The following TEX15 variants were observed in gnomAD, a reference collection of about 807,000 sequenced individuals.
The protein encoded by TEX15 is testis-expressed protein 15.
TEX15 carries 171 observed loss-of-function variants against 237.3 expected under a neutral mutation model. The ratio of observed to expected loss-of-function variants is 0.72; its 90% CI spans 0.64 to 0.82. TEX15 has a LOEUF of 0.82. Among genes scored for constraint, TEX15 ranks in the 40% least tolerant of loss-of-function variants. The pLI is 0.00. For missense variants in TEX15, 3,750 were observed against 3,646.5 expected (o/e 1.03, Z -0.73); for synonymous variants, 1,338 against 1,269.8 (o/e 1.05, Z -1.14).
In TEX15 at chr8:30,848,885, A is replaced by C; in HGVS notation, c.1282T>G (p.Ser428Ala). Residue 428 changes from serine to alanine, a missense_variant, in exon 8 of 11, where the codon TCA becomes GCA. Physicochemically the swap from Ser to Ala is moderately conservative, Grantham distance 99. Transcript: ENST00000643185. ...NNTGSSTVTTSKSIKDPRLMR... is the reference protein window; with the variant it reads ...NNTGSSTVTTAKSIKDPRLMR... ...AGTCTTGGGTCTTTGATGGATTTTG[A>C]AGTAGTGACTGTGCTTGAGCCAGTA... 1 of 1,614,124 alleles carries C rather than the reference A, an allele frequency of 6.2e-7. No homozygotes were observed. Among genetic ancestry groups the C allele is most frequent in the Middle Eastern group, 1.6e-4 (1 of 6,062 alleles).
chr8:30,879,609 G>GA (rs1156590508), intron 3 of TEX15, among the ~76,000 whole-genome samples: 1 of 152,190 alleles, frequency 6.6e-6, no homozygotes, highest in Non-Finnish European at 1.5e-5. Flanking sequence ...TCTGTTTTCG[G>GA]AATCTTTATT....
In TEX15 at chr8:30,846,436, C is replaced by G. The variant is rs774025385; in HGVS notation, c.3731G>C (p.Ser1244Thr). 2 of 1,613,252 alleles carry G rather than the reference C, an allele frequency of 1.2e-6. No homozygotes were observed. The highest frequency in any genetic ancestry group is 4.5e-5 in the East Asian group (2 of 44,872). Reference sequence around the variant, plus strand: ...CGTATGATTCACATCTGTATTACGACTCAAGTCAAAAGAAAGGGAGATTTC... The same window carrying G: ...CGTATGATTCACATCTGTATTACGAGTCAAGTCAAAAGAAAGGGAGATTTC... Reference protein sequence around the residue: ...NSEISLSFDLSRNTDVNHTSE... With the variant: ...NSEISLSFDLTRNTDVNHTSE... Residue 1244 changes from serine (S) to threonine (T), a missense_variant, in exon 8 of 11, where the codon AGT (serine) becomes ACT (threonine). Coordinates refer to ENST00000643185, the MANE Select transcript of TEX15 (RefSeq NM_001350162.2).
intron 4 of TEX15, among the ~76,000 whole-genome samples, chr8:30,872,466 T>C (rs1010446111): frequency 1.5e-4 from 23 of 152,318 alleles, no homozygotes; most frequent in South Asian, 1.4e-3. Flanking sequence ...TGTTGGTTTA[T>C]GTATTTAGTA....
chr8:30,878,399 T>C lies in TEX15; in HGVS notation c.137-3297A>G, dbSNP rs893465928. On this transcript the variant is annotated intron_variant, in intron 3 of 10. Coordinates refer to ENST00000643185, the MANE Select transcript of TEX15 (RefSeq NM_001350162.2). The stretch of plus-strand genomic sequence containing the variant: ...GCATGCTTATTTATTTATTTTATTT[T>C]TGAGACGGAGTTTCACTCTTGTTGC... Among the ~76,000 whole-genome samples, 4 of 152,142 alleles carry C rather than the reference T, an allele frequency of 2.6e-5. No homozygotes were observed. In the South Asian group the frequency reaches 6.2e-4, roughly 24 times the overall value.
chr8:30,860,515 TTAAACTC>T (rs1452005916), intron 5 of TEX15, among the ~76,000 whole-genome samples: 1 of 151,770 alleles, frequency 6.6e-6, no homozygotes, highest in Non-Finnish European at 1.5e-5. Flanking sequence ...CTCCCCCAAA[TTAAACTC>T]TAAGATTAGA....
intron 3 of TEX15, among the ~76,000 whole-genome samples, chr8:30,880,981 T>C (rs538495463): frequency 6.6e-6 from 1 of 152,254 alleles, no homozygotes; most frequent in African/African-American, 2.4e-5. Flanking sequence ...TCTCTTCAAA[T>C]AGGGATAATT....
Position 30,848,626 on chromosome 8 carries a change from C to T in TEX15, c.1541G>A (p.Gly514Asp), listed in dbSNP as rs982118303. 4.3e-6 allele frequency: 7 copies of T among 1,614,066 alleles called. No individual in the cohort carries two copies. The highest frequency in any genetic ancestry group is 1.7e-5 in the Admixed American group (1 of 60,014). ...AGGTATACAGTCATAGTCCTCAGAG[C>T]CCATGTTGTGAGCCCAAGATTGTGA... ...NDSQSWAHNM[G>D]SEDYDCIPPN... Residue 514 changes from glycine (G) to aspartate (D), a missense_variant, in exon 8 of 11, where the codon GGC (glycine) becomes GAC (aspartate). Coordinates refer to ENST00000643185, the MANE Select transcript of TEX15 (RefSeq NM_001350162.2).
Position 30,842,331 on chromosome 8 carries a change from A to T in TEX15, c.7836T>A (p.Ile2612=). 1 of 1,613,826 alleles carries T rather than the reference A, an allele frequency of 6.2e-7. No homozygotes were observed. The highest frequency in any genetic ancestry group is 1.7e-4 in the Middle Eastern group (1 of 6,056). ...PRKDLGKMAH[I]RKVMKTIEHM... is the part of the protein sequence containing the mutation. Reference sequence around the variant, plus strand: ...GTTCAATCGTTTTCATGACTTTCCTAATGTGGGCCATTTTTCCTAAATCTT... The same window carrying T: ...GTTCAATCGTTTTCATGACTTTCCTTATGTGGGCCATTTTTCCTAAATCTT... Residue 2612 remains isoleucine (I), a synonymous_variant, in exon 8 of 11, where the codon ATT becomes ATA. Coordinates refer to ENST00000643185, the MANE Select transcript of TEX15 (RefSeq NM_001350162.2).
At chr8:30,896,775 A>G (rs1056818307) in intron 2 of TEX15, among the ~76,000 whole-genome samples, 5 of 145,764 alleles carry the variant, frequency 3.4e-5, no homozygotes, top group East Asian at 1.9e-4. Context: ...AACTGTAGTA[A>G]TTTATTTGGG....
In TEX15 at chr8:30,847,990, T is replaced by C. The variant is rs1457828385; in HGVS notation, c.2177A>G (p.Gln726Arg). 4.3e-6 allele frequency: 7 copies of C among 1,613,904 alleles called. No individual in the cohort carries two copies. Among genetic ancestry groups the C allele is most frequent in the African/African-American group, 1.3e-5 (1 of 74,944 alleles). Reference sequence around the variant, plus strand: ...GTTACCCTCATACTCCACAGAGTGCTGAGGATGCTTTTGTGACAGGCTCTC... The same window carrying C: ...GTTACCCTCATACTCCACAGAGTGCCGAGGATGCTTTTGTGACAGGCTCTC... ...SFESLSQKHP[Q>R]HSVEYEGNIH... The change falls in exon 8 of 11, where the codon CAG (glutamine) becomes CGG (arginine). Residue 726 changes from glutamine (Q) to arginine (R), a missense_variant. Transcript: ENST00000643185.
chr8:30,835,155 A>G (rs1230535141), intron 10 of TEX15, among the ~76,000 whole-genome samples: 1 of 151,994 alleles, frequency 6.6e-6, no homozygotes, highest in African/African-American at 2.4e-5. Flanking sequence ...CACAGGCTGG[A>G]GTGCAGTGGC....
chr8:30,834,353 G>GT (rs1269592561), intron 10 of TEX15, among the ~76,000 whole-genome samples: 1 of 152,098 alleles, frequency 6.6e-6, no homozygotes, highest in African/African-American at 2.4e-5. Context: ...TGTATTTTTA[G>GT]TAGAGATAGG....
chr8:30,858,890 A>C, intron 6 of TEX15, 60 bp from the exon 7 acceptor site: 62 of 1,220,330 alleles, frequency 5.1e-5, no homozygotes, highest in Non-Finnish European at 6.1e-5. Flanking sequence ...GAATAAGCTC[A>C]TATTTTTAAA....
At chr8:30,890,518 A>C (rs926334436) in intron 2 of TEX15, 2 of 152,020 alleles carry the variant, frequency 1.3e-5, no homozygotes, top group African/African-American at 4.8e-5. Context: ...TACCTCCATT[A>C]CTCTACCTAA....
In TEX15 at chr8:30,836,863, G is replaced by C. The variant is rs1410877577; in HGVS notation, c.9421C>G (p.Gln3141Glu). 9 of 1,614,058 alleles carry C rather than the reference G, an allele frequency of 5.6e-6. No individual in the cohort carries two copies. The highest frequency in any genetic ancestry group is 6.8e-6 in the Non-Finnish European group (8 of 1,180,024). The part of the protein sequence containing the change: ...SQYASHQPLP[Q>E]ATYPYLPNRF... ...TTAGGAAGGTAAGGGTATGTAGCTTGTGGTAATGGCTGATGAGAAGCATAT... is the reference window on the plus strand; with the variant it reads ...TTAGGAAGGTAAGGGTATGTAGCTTCTGGTAATGGCTGATGAGAAGCATAT... The change falls in exon 10 of 11, where the codon CAA (glutamine) becomes GAA (glutamate). Residue 3141 changes from glutamine (Q) to glutamate (E), a missense_variant. Gln to Glu is a conservative substitution (Grantham distance 29). Transcript: ENST00000643185.
chr8:30,901,301 A>G lies in TEX15; in HGVS notation c.-85-2484T>C, dbSNP rs185526903. The stretch of plus-strand genomic sequence containing the variant: ...TAGATATGGTTGAAAATATTTAACT[A>G]AAGTTCCTATTAAATACAAGAATTC... On this transcript the variant is annotated intron_variant, in intron 1 of 10. Transcript: ENST00000643185. 2.6e-5 allele frequency among the ~76,000 whole-genome samples: 4 copies of G among 152,358 alleles called. No individual in the cohort carries two copies. The East Asian group carries it at 7.7e-4, about 29-fold the overall frequency.
Position 30,848,821 on chromosome 8 carries a change from G to A in TEX15, c.1346C>T (p.Thr449Ile). ...REESMGEQSS[T>I]AGLNEVLQFE... Reference sequence around the variant, plus strand: ...TTGCAAAACCTCATTTAAGCCTGCAGTACTACTCTGTTCTCCCATACTTTC... The same window carrying A: ...TTGCAAAACCTCATTTAAGCCTGCAATACTACTCTGTTCTCCCATACTTTC... The change falls in exon 8 of 11, where the codon ACT becomes ATT. Residue 449 changes from threonine to isoleucine, a missense_variant. Physicochemically the swap from Thr to Ile is moderately conservative, Grantham distance 89. Coordinates refer to ENST00000643185, the MANE Select transcript of TEX15 (RefSeq NM_001350162.2). 5 of 1,614,138 alleles carry A rather than the reference G, an allele frequency of 3.1e-6. No individual in the cohort carries two copies. Among genetic ancestry groups the A allele is most frequent in the Non-Finnish European group, 4.2e-6 (5 of 1,180,016 alleles).
chr8:30,848,894 C>T lies in TEX15; in HGVS notation c.1273G>A (p.Val425Ile). Residue 425 changes from valine to isoleucine, a missense_variant, in exon 8 of 11, where the codon GTC becomes ATC. Physicochemically the swap from Val to Ile is conservative, Grantham distance 29. Coordinates refer to ENST00000643185, the MANE Select transcript of TEX15 (RefSeq NM_001350162.2). ...PLHNNTGSST[V>I]TTSKSIKDPR... ...TCTTTGATGGATTTTGAAGTAGTGACTGTGCTTGAGCCAGTATTGTTGTGA... is the reference window on the plus strand; with the variant it reads ...TCTTTGATGGATTTTGAAGTAGTGATTGTGCTTGAGCCAGTATTGTTGTGA... 5 of 1,614,138 alleles carry T rather than the reference C, an allele frequency of 3.1e-6. No individual in the cohort carries two copies. The highest frequency in any genetic ancestry group is 4.2e-6 in the Non-Finnish European group (5 of 1,180,018).
chr8:30,881,610 C>CAT (rs1808522902), intron 3 of TEX15, among the ~76,000 whole-genome samples: 5 of 109,426 alleles, frequency 4.6e-5, no homozygotes, highest in African/African-American at 3.3e-4. Context: ...TCCATCTTGA[C>CAT]TTTTTATTTT....
Sources: allele counts gnomAD v4.1 joint callset (sites outside exome capture counted in the v4.1 genomes callset), GRCh38; gene constraint gnomAD v4.1.1; transcripts MANE v1.5; gene names NCBI Gene and HGNC (gene_info 2026-07-23, HGNC 2026-07-21).